AGBL4: variants seen among roughly 807,000 people sequenced by gnomAD.
AGBL4 encodes the protein AGBL carboxypeptidase 4, also known as cytosolic carboxypeptidase 6.
AGBL4 carries 58 observed loss-of-function variants against 66.4 expected under a neutral mutation model. The observed-to-expected ratio is 0.87, with a 90% confidence interval of 0.71 to 1.09. The LOEUF (loss-of-function observed/expected upper bound fraction) is 1.09. AGBL4 is among the 50% of genes least tolerant of loss of function. AGBL4 has a pLI of 0.00. For synonymous variants in AGBL4, 234 were observed against 222.9 expected, an observed-to-expected ratio of 1.05 and a Z score of -0.44; for missense variants, 579 against 631.0, an observed-to-expected ratio of 0.92 and a Z score of 0.88.
In AGBL4 at chr1:49,395,753, A is replaced by G. The variant is rs573091173; in HGVS notation, c.283-149889T>C. 2.4e-4 allele frequency among the ~76,000 whole-genome samples: 34 copies of G among 143,268 alleles called. 1 individual carries two copies. Among genetic ancestry groups the G allele is most frequent in the African/African-American group, 8.6e-4 (33 of 38,266 alleles). The allele number at this position is 143,268 out of a possible 152,430, so 94.0% of individuals were successfully genotyped here. On this transcript the variant is annotated intron_variant, in intron 3 of 13. Transcript: ENST00000371839. Reference sequence around the variant, plus strand: ...TGTGTGTATATATATATATGTATATATATATATATACACATATATATACAT... The same window carrying G: ...TGTGTGTATATATATATATGTATATGTATATATATACACATATATATACAT...
At chr1:49,647,282 T>G (rs1368585385) in intron 3 of AGBL4, among the ~76,000 whole-genome samples, 5 of 151,908 alleles carry the variant, frequency 3.3e-5, no homozygotes. Flanking sequence ...AGTAAAAAGC[T>G]AAATAAATTG....
chr1:49,393,456 T>A (rs1457511054), intron 3 of AGBL4, among the ~76,000 whole-genome samples: 1 of 152,156 alleles, frequency 6.6e-6, no homozygotes, highest in Non-Finnish European at 1.5e-5. Flanking sequence ...GAATTTTGAT[T>A]TTGTTCAGTT....
intron 6 of AGBL4, among the ~76,000 whole-genome samples, chr1:48,764,488 G>A (rs568027851): frequency 5.0e-4 from 76 of 152,258 alleles, no homozygotes; most frequent in African/African-American, 1.7e-3. Flanking sequence ...AATGGGGAAG[G>A]GGGGGAAATA....
chr1:49,974,070 T>C (rs1451025140), intron 1 of AGBL4, among the ~76,000 whole-genome samples: 1 of 152,102 alleles, frequency 6.6e-6, no homozygotes, highest in South Asian at 2.1e-4. Flanking sequence ...CCATCTTAAG[T>C]GGACTCTTTA....
intron 2 of AGBL4, among the ~76,000 whole-genome samples, chr1:49,767,491 C>T (rs1643918138): frequency 6.6e-6 from 1 of 151,830 alleles, no homozygotes; most frequent in African/African-American, 2.4e-5. Flanking sequence ...CAATAAACAC[C>T]TACATCAAGA....
chr1:48,603,625 TAG>T (rs1430180901), intron 9 of AGBL4, among the ~76,000 whole-genome samples: 1 of 151,938 alleles, frequency 6.6e-6, no homozygotes, highest in Non-Finnish European at 1.5e-5. Context: ...AAAACGGAAA[TAG>T]AGAGCCACAG....
intron 4 of AGBL4, among the ~76,000 whole-genome samples, chr1:49,199,260 T>C (rs1287557196): frequency 6.6e-6 from 1 of 152,186 alleles, no homozygotes; most frequent in African/African-American, 2.4e-5. Context: ...AGTTGTTTAA[T>C]TTCAAAGATC....
intron 1 of AGBL4, among the ~76,000 whole-genome samples, chr1:49,935,132 A>G (rs1653820057): frequency 6.6e-6 from 1 of 152,198 alleles, no homozygotes; most frequent in South Asian, 2.1e-4. Context: ...TCCCACCCTA[A>G]TACAGCGCTT....
chr1:48,813,145 G>C (rs1203239979), intron 6 of AGBL4, among the ~76,000 whole-genome samples: 1 of 152,148 alleles, frequency 6.6e-6, no homozygotes, highest in East Asian at 1.9e-4. Context: ...AGTGCTTTGA[G>C]AGACGGAAGA....
intron 5 of AGBL4, among the ~76,000 whole-genome samples, chr1:48,993,219 G>C (rs1413086563): frequency 6.6e-6 from 1 of 152,136 alleles, no homozygotes; most frequent in African/African-American, 2.4e-5. Context: ...TGCCAGGACT[G>C]GGTCCTTTTC....
At chr1:48,524,643 C>A in the AGBL4 span, among the ~76,000 whole-genome samples, 3 of 152,170 alleles carry the variant, frequency 2.0e-5, no homozygotes, top group East Asian at 5.8e-4. Context: ...GTAAAAAAAT[C>A]TGCTTAGATT....
chr1:49,440,658 A>C (rs1646007574), intron 3 of AGBL4, among the ~76,000 whole-genome samples: 1 of 152,156 alleles, frequency 6.6e-6, no homozygotes, highest in Non-Finnish European at 1.5e-5. Context: ...ATCTGCTAAG[A>C]CTACCCTGAG....
At chr1:49,280,170 A>G (rs1248525544) in intron 3 of AGBL4, among the ~76,000 whole-genome samples, 1 of 151,802 alleles carries the variant, frequency 6.6e-6, no homozygotes, top group African/African-American at 2.4e-5. Context: ...ACCATTTCCC[A>G]CACCCCTATG....
At chr1:49,017,681 C>T (rs552578172) in intron 5 of AGBL4, among the ~76,000 whole-genome samples, 1 of 152,206 alleles carries the variant, frequency 6.6e-6, no homozygotes, top group Admixed American at 6.5e-5. Flanking sequence ...CTAGATTGCT[C>T]ACAATAACTA....
chr1:49,508,987 G>A (rs1188450091), intron 3 of AGBL4, among the ~76,000 whole-genome samples: 1 of 151,922 alleles, frequency 6.6e-6, no homozygotes. Context: ...TTATCATCTA[G>A]TAGGGAACAT....
At chr1:49,898,941 AC>A (rs1258446793) in intron 1 of AGBL4, among the ~76,000 whole-genome samples, 1 of 152,118 alleles carries the variant, frequency 6.6e-6, no homozygotes, top group Non-Finnish European at 1.5e-5. Flanking sequence ...ACTCATGGAG[AC>A]AGAGAGTAGA....
intron 1 of AGBL4, among the ~76,000 whole-genome samples, chr1:49,947,951 A>AATAT (rs1315313496): frequency 5.8e-5 from 1 of 17,312 alleles, no homozygotes; most frequent in Non-Finnish European, 1.5e-4. Context: ...CAATAGCTGC[A>AATAT]ATATATATAT....
At chr1:49,101,437 T>C (rs570531318) in intron 4 of AGBL4, among the ~76,000 whole-genome samples, 2 of 152,174 alleles carry the variant, frequency 1.3e-5, no homozygotes, top group Non-Finnish European at 2.9e-5. Flanking sequence ...ATCCGCCTGA[T>C]TGGCCTCCCA....
chr1:49,685,411 T>C (rs1385108847), intron 3 of AGBL4, among the ~76,000 whole-genome samples: 1 of 152,184 alleles, frequency 6.6e-6, no homozygotes, highest in Non-Finnish European at 1.5e-5. Context: ...CCTTTGGGTA[T>C]GTAACCAGTA....
Sources: allele counts gnomAD v4.1 joint callset (sites outside exome capture counted in the v4.1 genomes callset), GRCh38; gene constraint gnomAD v4.1.1; transcripts MANE v1.5; gene names NCBI Gene and HGNC (gene_info 2026-07-23, HGNC 2026-07-21).